DAB2IP: variants seen among roughly 807,000 people sequenced by gnomAD.
DAB2IP encodes DAB2 interacting protein, also known as disabled homolog 2-interacting protein.
DAB2IP carries 28 observed loss-of-function variants against 107.2 expected under a neutral mutation model. That is an observed-to-expected ratio of 0.26 (90% CI 0.19 to 0.36). The LOEUF is 0.36. Among genes scored for constraint, DAB2IP ranks in the 10% least tolerant of loss-of-function variants. The pLI is 1.00. For synonymous variants in DAB2IP, 755 were observed against 706.4 expected, an observed-to-expected ratio of 1.07 and a Z score of -1.09; for missense variants, 1,400 against 1,644.7, an observed-to-expected ratio of 0.85 and a Z score of 2.57.
intron 1 of DAB2IP, among the ~76,000 whole-genome samples, chr9:121,597,445 G>A (rs1482065506): frequency 6.6e-6 from 1 of 152,140 alleles, no homozygotes; most frequent in Non-Finnish European, 1.5e-5. Flanking sequence ...AATTTTTGCA[G>A]CCTCTATTCT....
chr9:121,679,746 G>A (rs930048811), intron 2 of DAB2IP, among the ~76,000 whole-genome samples: 7 of 152,152 alleles, frequency 4.6e-5, no homozygotes, highest in South Asian at 2.1e-4. Context: ...GGGGCTCCAG[G>A]GGAGCTGGAA....
At chr9:121,672,128 A>T (rs1833708374) in intron 1 of DAB2IP, among the ~76,000 whole-genome samples, 1 of 152,038 alleles carries the variant, frequency 6.6e-6, no homozygotes. Flanking sequence ...TCTTTTACTT[A>T]GTTTCTTTTA....
At chr9:121,768,626 T>C (rs1834473141) in exon 10 of DAB2IP, 1 of 1,613,682 alleles carries the variant, frequency 6.2e-7, no homozygotes, top group Non-Finnish European at 8.5e-7. Context: ...GTCAGCCAGC[T>C]GGAGCAGGTG....
chr9:121,648,935 G>A (rs754299918), upstream of DAB2IP, among the ~76,000 whole-genome samples: 4 of 152,292 alleles, frequency 2.6e-5, no homozygotes, highest in East Asian at 1.9e-4. Flanking sequence ...CCACAGGGGC[G>A]CCGGCGGGAG....
intron 1 of DAB2IP, among the ~76,000 whole-genome samples, chr9:121,606,730 G>T (rs1322931020): frequency 1.3e-5 from 2 of 151,924 alleles, no homozygotes; most frequent in Non-Finnish European, 2.9e-5. Flanking sequence ...GCAGTGGGGG[G>T]TGAGGGAGGT....
chr9:121,578,254 G>A (rs1830110417), intron 1 of DAB2IP, among the ~76,000 whole-genome samples: 1 of 151,934 alleles, frequency 6.6e-6, no homozygotes, highest in African/African-American at 2.4e-5. Context: ...CTCTATCTCT[G>A]TTCCTATCTC....
intron 1 of DAB2IP, among the ~76,000 whole-genome samples, chr9:121,620,082 C>G (rs1174699797): frequency 6.6e-6 from 1 of 152,208 alleles, no homozygotes; most frequent in Non-Finnish European, 1.5e-5. Context: ...GGTCATTGTT[C>G]TCCAAGTTTG....
chr9:121,651,635 A>T lies in DAB2IP; in HGVS notation c.-141A>T. The T allele has an allele frequency of 9.4e-7, 1 of 1,061,850 alleles. No homozygotes were observed. The highest frequency in any genetic ancestry group is 1.1e-6 in the Non-Finnish European group (1 of 880,644). The allele number at this position is 1,061,850 out of a possible 1,614,324, so 65.8% of individuals were successfully genotyped here. On this transcript the variant is annotated 5_prime_UTR_variant, in exon 1 of 16. Coordinates refer to ENST00000408936, the Ensembl canonical transcript of DAB2IP. The surrounding 1 kb of genome is among the most constrained non-coding windows in gnomAD (Gnocchi z 5.1). ...AGGAGGCGGAGGAGGAGTTTGAGCG[A>T]CTTTGTGGGGCAGCCAGGGCCTCGG...
rs148813963 is a variant in DAB2IP, at chr9:121,661,418, G to A, written c.124+9519G>A. Among the ~76,000 whole-genome samples the A allele has an allele frequency of 5.3e-3, 804 of 152,192 alleles. 5 individuals carry two copies. Among genetic ancestry groups the A allele is most frequent in the Middle Eastern group, 0.014 (4 of 294 alleles). Reference sequence around the variant, plus strand: ...TAGGTTTAGCAGCACACAGGGTGGGGTAAGTGTCTCTCCCCATCAGGAGCA... The same window carrying A: ...TAGGTTTAGCAGCACACAGGGTGGGATAAGTGTCTCTCCCCATCAGGAGCA... On this transcript the variant is annotated intron_variant, in intron 1 of 15. Coordinates refer to ENST00000408936, the Ensembl canonical transcript of DAB2IP.
chr9:121,759,263 G>C (rs555792881), intron 5 of DAB2IP, among the ~76,000 whole-genome samples: 1 of 152,190 alleles, frequency 6.6e-6, no homozygotes, highest in Non-Finnish European at 1.5e-5. Flanking sequence ...GGGTCCTTCT[G>C]CTGGGACCCC....
chr9:121,616,915 C>T (rs1179834481), intron 1 of DAB2IP, among the ~76,000 whole-genome samples: 1 of 152,178 alleles, frequency 6.6e-6, no homozygotes, highest in Non-Finnish European at 1.5e-5. Context: ...GCACTGCTGT[C>T]CCCTGGGAGA....
At chr9:121,730,269 A>G (rs1564184371) in intron 3 of DAB2IP, among the ~76,000 whole-genome samples, 1 of 152,208 alleles carries the variant, frequency 6.6e-6, no homozygotes, top group Non-Finnish European at 1.5e-5. Flanking sequence ...GACATGGGAA[A>G]CCTATTCATT....
At chr9:121,663,315 C>A (rs981911420) in intron 1 of DAB2IP, among the ~76,000 whole-genome samples, 8 of 152,134 alleles carry the variant, frequency 5.3e-5, no homozygotes, top group African/African-American at 1.9e-4. Flanking sequence ...ACTGTCCTTG[C>A]GGAAGGGCCC....
At chr9:121,737,327 T>C in intron 3 of DAB2IP, 1 of 985,482 alleles carries the variant, frequency 1.0e-6, no homozygotes, top group Non-Finnish European at 1.2e-6. Context: ...AATTTTCCAC[T>C]TGTTTCCTGA....
At chr9:121,710,008 A>C (rs1830259273) in intron 3 of DAB2IP, among the ~76,000 whole-genome samples, 1 of 152,014 alleles carries the variant, frequency 6.6e-6, no homozygotes. Context: ...AGCCCGTGAG[A>C]TATATACTGT....
chr9:121,705,999 C>G (rs1830040897), intron 3 of DAB2IP, among the ~76,000 whole-genome samples: 1 of 152,224 alleles, frequency 6.6e-6, no homozygotes, highest in Middle Eastern at 3.2e-3. Context: ...AAGCATCCAG[C>G]TCCCCCAGTC....
Position 121,776,109 on chromosome 9 carries a change from T to C in DAB2IP, c.3121-89T>C. 6.9e-7 allele frequency: 1 copy of C among 1,454,998 alleles called. No individual in the cohort carries two copies. The highest frequency in any genetic ancestry group is 9.2e-7 in the Non-Finnish European group (1 of 1,081,920). 90.1% of individuals were successfully genotyped at this position (1,454,998 alleles called of 1,614,324 possible). A position where few individuals can be genotyped will look rare whatever the true frequency, so the allele number is the denominator to read the frequency against. ...GCCACTGGGGCCTTTCAAGTGGGGC[T>C]CCCTCCTACCCTTCCTCCCACTCGG... On this transcript the variant is annotated intron_variant, in intron 13 of 15. Transcript: ENST00000408936. This position sits in a 1 kb window ranked among gnomAD's most constrained non-coding sequence, Gnocchi z 5.4.
Position 121,736,289 on chromosome 9 carries a change from C to CGCCGCGAGAGCCGG in DAB2IP, c.363-20717_363-20704dup, listed in dbSNP as rs1175945506. 2.6e-5 allele frequency among the ~76,000 whole-genome samples: 4 copies of CGCCGCGAGAGCCGG among 152,188 alleles called. No homozygotes were observed. The highest frequency in any genetic ancestry group is 2.6e-4 in the Admixed American group (4 of 15,284). On this transcript the variant is annotated intron_variant, in intron 3 of 15. Coordinates refer to ENST00000408936, the Ensembl canonical transcript of DAB2IP. The surrounding 1 kb of genome is among the most constrained non-coding windows in gnomAD (Gnocchi z 4.6). ...GGGGCCAGCGGGCCAAACTGGAATG[C>CGCCGCGAGAGCCGG]GCCGCGAGAGCCGGGCCGCGGGCAA...
At chr9:121,665,825 G>T (rs1014140953) in intron 1 of DAB2IP, among the ~76,000 whole-genome samples, 57 of 152,218 alleles carry the variant, frequency 3.7e-4, no homozygotes, top group African/African-American at 1.3e-3. Flanking sequence ...TGAAAGAGGA[G>T]AGATGGGAGC....
Sources: gnomAD v4.1 joint callset for allele counts (sites outside exome capture counted in the v4.1 genomes callset) on GRCh38, gnomAD v4.1.1 for gene constraint, Gnocchi (gnomAD v3.1) non-coding constraint, MANE v1.5 for transcripts, NCBI Gene and HGNC (gene_info 2026-07-23, HGNC 2026-07-21) for gene names.